The following DLGAP2 variants were observed in gnomAD, a reference collection of about 807,000 sequenced individuals.
DLGAP2 encodes the protein DLG associated protein 2.
A neutral mutation model predicts 100.3 loss-of-function variants in DLGAP2; 26 were observed. That is an observed-to-expected ratio of 0.26 (90% confidence interval 0.19 to 0.36). The LOEUF (loss-of-function observed/expected upper bound fraction) is 0.36, where lower values mean the gene tolerates loss of function less well. Ranked by LOEUF, DLGAP2 falls within the 10% of genes least tolerant of loss-of-function variation. The pLI is 1.00. For synonymous variants in DLGAP2, 886 were observed against 630.1 expected (o/e 1.41, Z -6.08); for missense variants, 1,858 against 1,453.2 (o/e 1.28, Z -4.53).
rs182078796 is a variant in DLGAP2, at chr8:1,427,354, T to C, written c.107-74012T>C. Among the ~76,000 whole-genome samples, 10 of 152,334 alleles carry C rather than the reference T, an allele frequency of 6.6e-5. 1 individual carries two copies. Among genetic ancestry groups the C allele is most frequent in the Admixed American group, 3.9e-4 (6 of 15,300 alleles). ...ATTACCAAGTGTAGAATAAACACTC[T>C]TTTTAAGCATAACCCAAAGAGTAAC... On this transcript the variant is annotated intron_variant, in intron 3 of 14. Transcript: ENST00000637795.
intron 2 of DLGAP2, among the ~76,000 whole-genome samples, chr8:921,680 C>G (rs545960216): frequency 1.1e-4 from 17 of 152,376 alleles, no homozygotes; most frequent in Non-Finnish European, 2.2e-4. Flanking sequence ...CCTGTCACGG[C>G]TACTGCCACC....
At position 1,077,612 on chromosome 8, in the gene DLGAP2, A is replaced by C. The variant is rs144100278; in HGVS notation, c.73+169646A>C. Among the ~76,000 whole-genome samples the C allele has an allele frequency of 1.6e-3, 245 of 152,288 alleles. 1 individual carries two copies. The highest frequency in any genetic ancestry group is 2.7e-3 in the Non-Finnish European group (184 of 68,020). On this transcript the variant is annotated intron_variant, in intron 2 of 14. Transcript: ENST00000637795. ...AGATGGTGTATGCTCGGGATTGTTT[A>C]AACCACCAATGGCCATACAACATTT...
intron 2 of DLGAP2, among the ~76,000 whole-genome samples, chr8:1,000,219 C>CA (rs1800909247): frequency 1.3e-5 from 2 of 150,772 alleles, no homozygotes; most frequent in East Asian, 2.0e-4. Flanking sequence ...TTCTCTAGAG[C>CA]GGACAGATCC....
intron 6 of DLGAP2, 136 bp downstream of exon 6, chr8:1,566,030 G>A: frequency 1.6e-6 from 1 of 606,654 alleles, no homozygotes; most frequent in Non-Finnish European, 2.6e-6. Context: ...TAGACCCATG[G>A]CTGTCAATTT....
In DLGAP2 at chr8:1,595,045, C is replaced by CT. The variant is rs544219751; in HGVS notation, c.1442+29158dup. On this transcript the variant is annotated intron_variant, in intron 6 of 14. Transcript: ENST00000637795. Reference sequence around the variant, plus strand: ...CAGCTCCTGGGGTTTCTTTTTTTTTCTTTTTTTCTTTTTTGAGACAAGATC... The same window carrying CT: ...CAGCTCCTGGGGTTTCTTTTTTTTTCTTTTTTTTCTTTTTTGAGACAAGATC... Among the ~76,000 whole-genome samples the CT allele has an allele frequency of 3.2e-3, 487 of 151,384 alleles. 2 individuals carry two copies. Among genetic ancestry groups the CT allele is most frequent in the Non-Finnish European group, 4.8e-3 (327 of 67,788 alleles).
intron 2 of DLGAP2, among the ~76,000 whole-genome samples, chr8:1,232,525 G>A (rs909925073): frequency 6.6e-6 from 1 of 152,228 alleles, no homozygotes; most frequent in African/African-American, 2.4e-5. Flanking sequence ...TTGCATCACT[G>A]TGCTGGGCTG....
chr8:1,658,392 T>G (rs927609533), intron 8 of DLGAP2, among the ~76,000 whole-genome samples: 1 of 152,186 alleles, frequency 6.6e-6, no homozygotes, highest in Admixed American at 6.5e-5. Flanking sequence ...AGGGGCTACT[T>G]TTTTATATAT....
chr8:1,145,507 A>T (rs1450438787), intron 2 of DLGAP2, among the ~76,000 whole-genome samples: 1 of 151,440 alleles, frequency 6.6e-6, no homozygotes, highest in Non-Finnish European at 1.5e-5. Context: ...ACGTCAACAG[A>T]CCCCTCTCCT....
intron 3 of DLGAP2, among the ~76,000 whole-genome samples, chr8:1,372,127 T>C (rs1802252968): frequency 6.6e-6 from 1 of 152,062 alleles, no homozygotes; most frequent in Admixed American, 6.5e-5. Flanking sequence ...GGCCCTCACC[T>C]GCAGGCACCT....
At chr8:1,455,694 C>T (rs544177834) in intron 3 of DLGAP2, among the ~76,000 whole-genome samples, 3 of 152,276 alleles carry the variant, frequency 2.0e-5, no homozygotes, top group Admixed American at 2.0e-4. Flanking sequence ...TTAAGCGTCA[C>T]ATCCACGCCC....
chr8:1,411,973 C>A (rs1304380648), intron 3 of DLGAP2, among the ~76,000 whole-genome samples: 1 of 152,216 alleles, frequency 6.6e-6, no homozygotes, highest in Non-Finnish European at 1.5e-5. Context: ...CGAAAACCTA[C>A]AGGCAACAGC....
intron 3 of DLGAP2, among the ~76,000 whole-genome samples, chr8:1,375,139 G>C (rs1419121372): frequency 7.6e-6 from 1 of 130,744 alleles, no homozygotes; most frequent in African/African-American, 3.1e-5. Flanking sequence ...ACCTCTCCAC[G>C]ACCTCAGAAC....
chr8:1,271,196 G>A (rs1280452011), intron 3 of DLGAP2, among the ~76,000 whole-genome samples: 2 of 152,094 alleles, frequency 1.3e-5, no homozygotes, highest in Admixed American at 6.5e-5. Context: ...AACATGAATT[G>A]GGAGTCAAGA....
At chr8:783,574 G>A (rs745648714) in intron 1 of DLGAP2, among the ~76,000 whole-genome samples, 3 of 152,164 alleles carry the variant, frequency 2.0e-5, no homozygotes, top group Admixed American at 2.0e-4. Context: ...TCTTATAGGG[G>A]CTGTGATATG....
At chr8:1,061,084 C>A (rs1421875983) in intron 2 of DLGAP2, among the ~76,000 whole-genome samples, 1 of 152,222 alleles carries the variant, frequency 6.6e-6, no homozygotes, top group East Asian at 1.9e-4. Flanking sequence ...CTACACCTTT[C>A]CAGCATGAAG....
At chr8:1,439,994 C>T (rs575952782) in intron 3 of DLGAP2, among the ~76,000 whole-genome samples, 2 of 152,180 alleles carry the variant, frequency 1.3e-5, no homozygotes, top group Non-Finnish European at 2.9e-5. Context: ...TCACCAGAGC[C>T]ACACTCTAGT....
chr8:1,487,510 T>C (rs1339969948), intron 3 of DLGAP2, among the ~76,000 whole-genome samples: 1 of 152,246 alleles, frequency 6.6e-6, no homozygotes, highest in Admixed American at 6.5e-5. Flanking sequence ...TTCCATTCTG[T>C]AGGACAACTG....
At chr8:1,508,761 C>T (rs1800045776) in intron 4 of DLGAP2, among the ~76,000 whole-genome samples, 1 of 151,278 alleles carries the variant, frequency 6.6e-6, no homozygotes, top group Non-Finnish European at 1.5e-5. Context: ...TGACGGCGTT[C>T]CCTAAAAACA....
In DLGAP2 at chr8:1,175,673, T is replaced by G. The variant is rs1360491983; in HGVS notation, c.74-83178T>G. Reference sequence around the variant, plus strand: ...CTTGTGTTTTGCCATGGCTTGGTTTTGTCAAACTTTTAGGGGTTAGATATC... The same window carrying G: ...CTTGTGTTTTGCCATGGCTTGGTTTGGTCAAACTTTTAGGGGTTAGATATC... On this transcript the variant is annotated intron_variant, in intron 2 of 14. Transcript: ENST00000637795. Among the ~76,000 whole-genome samples, 6 of 152,230 alleles carry G rather than the reference T, an allele frequency of 3.9e-5. No individual in the cohort carries two copies. In the East Asian group the frequency reaches 1.2e-3, roughly 29 times the overall value.
Sources: allele counts gnomAD v4.1 joint callset (sites outside exome capture counted in the v4.1 genomes callset), GRCh38; gene constraint gnomAD v4.1.1; transcripts MANE v1.5; gene names NCBI Gene and HGNC (gene_info 2026-07-23, HGNC 2026-07-21).